HECA: variants seen among roughly 807,000 people sequenced by gnomAD.
The protein encoded by HECA is HECA ribonucleoprotein granule regulator.
In HECA, 13 loss-of-function variants were observed where a neutral mutation model predicts 37.6. The observed-to-expected ratio is 0.35, with a 90% CI of 0.23 to 0.55. The LOEUF (loss-of-function observed/expected upper bound fraction) is 0.55. Ranked by LOEUF, HECA falls within the 20% of genes least tolerant of loss-of-function variation. The probability of loss-of-function intolerance (pLI) is 0.90; values close to 1 mark genes in which losing one functional copy is unlikely to be tolerated. For synonymous variants in HECA, 307 were observed against 291.5 expected, an observed-to-expected ratio of 1.05 and a Z score of -0.54; for missense variants, 527 against 701.9, an observed-to-expected ratio of 0.75 and a Z score of 2.82.
chr6:139,162,292 A>G (rs1774816065), intron 1 of HECA, among the ~76,000 whole-genome samples: 1 of 152,146 alleles, frequency 6.6e-6, no homozygotes, highest in Non-Finnish European at 1.5e-5. Context: ...TGGGCCTTGA[A>G]GCAGTAGGAG....
At chr6:139,173,968 C>G (rs1293856140) in intron 2 of HECA, among the ~76,000 whole-genome samples, 2 of 152,152 alleles carry the variant, frequency 1.3e-5, no homozygotes, top group African/African-American at 4.8e-5. Context: ...GGACTTGTCA[C>G]AAGAGAGCTT....
rs544034030 is a variant in HECA, at chr6:139,141,658, T to A, written c.271+5991T>A. Among the ~76,000 whole-genome samples, 3 of 152,248 alleles carry A rather than the reference T, an allele frequency of 2.0e-5. No individual in the cohort carries two copies. In the East Asian group the frequency reaches 5.8e-4, roughly 29 times the overall value. On this transcript the variant is annotated intron_variant, in intron 1 of 3. Coordinates refer to ENST00000367658, the MANE Select transcript of HECA (RefSeq NM_016217.3). ...TGGTGAGAATCACAGCATCCTCACA[T>A]GGCAGAGAAGGTGAAAGGGATGAAC... is the stretch of plus-strand genomic sequence containing the variant.
At chr6:139,159,651 C>G (rs906441381) in intron 1 of HECA, among the ~76,000 whole-genome samples, 2 of 152,192 alleles carry the variant, frequency 1.3e-5, no homozygotes, top group Non-Finnish European at 2.9e-5. Flanking sequence ...CACCCTCTCT[C>G]TATTACTGTG....
rs1302019960 is a variant in HECA, at chr6:139,179,097, A to C, written c.*1992A>C. 2 of 152,224 alleles carry C rather than the reference A, an allele frequency of 1.3e-5. No homozygotes were observed. The highest frequency in any genetic ancestry group is 2.4e-5 in the African/African-American group (1 of 41,458). The allele number at this position is 152,224 out of a possible 1,614,324, so 9.4% of individuals were successfully genotyped here. On this transcript the variant is annotated 3_prime_UTR_variant, in exon 4 of 4. Coordinates refer to ENST00000367658, the MANE Select transcript of HECA (RefSeq NM_016217.3). ...TGAACTGACAGTGTTTGATGCAACTAAAAGAGGATTGTAAGACATAGCTTT... is the reference window on the plus strand; with the variant it reads ...TGAACTGACAGTGTTTGATGCAACTCAAAGAGGATTGTAAGACATAGCTTT...
chr6:139,171,266 C>A (rs934178426), intron 2 of HECA, among the ~76,000 whole-genome samples: 1 of 152,038 alleles, frequency 6.6e-6, no homozygotes, highest in African/African-American at 2.4e-5. Context: ...AAACCCACAA[C>A]CAAATCTTGA....
intron 1 of HECA, among the ~76,000 whole-genome samples, chr6:139,163,352 CTTTTTTT>C (rs60943037): frequency 2.1e-5 from 3 of 142,466 alleles, no homozygotes; most frequent in East Asian, 2.4e-4. Context: ...GTTCTCCATT[CTTTTTTT>C]TTTTTTTTTT....
intron 1 of HECA, among the ~76,000 whole-genome samples, chr6:139,155,430 G>A (rs1402882208): frequency 1.3e-5 from 2 of 152,126 alleles, no homozygotes; most frequent in African/African-American, 4.8e-5. Context: ...CTAAATGTAG[G>A]GGAAAAATGA....
intron 1 of HECA, among the ~76,000 whole-genome samples, chr6:139,158,120 G>C (rs1774742303): frequency 6.6e-6 from 1 of 152,120 alleles, no homozygotes; most frequent in South Asian, 2.1e-4. Flanking sequence ...ACTTTGGGAG[G>C]CTAAGGCAGG....
At chr6:139,142,143 G>A (rs890821247) in intron 1 of HECA, among the ~76,000 whole-genome samples, 1 of 151,920 alleles carries the variant, frequency 6.6e-6, no homozygotes, top group Non-Finnish European at 1.5e-5. Context: ...AGTCAGGATG[G>A]TCTCGATCTC....
intron 1 of HECA, chr6:139,150,966 A>C (rs1485259364): frequency 1.3e-5 from 2 of 152,226 alleles, no homozygotes; most frequent in African/African-American, 4.8e-5. Context: ...AGTTCACAAC[A>C]ATCATGACTG....
chr6:139,157,380 C>T (rs1384065157), intron 1 of HECA, among the ~76,000 whole-genome samples: 3 of 152,188 alleles, frequency 2.0e-5, no homozygotes, highest in African/African-American at 2.4e-5. Context: ...AGGTTTCAGC[C>T]TCATTTTACC....
At chr6:139,164,953 C>G (rs1774862819) in intron 1 of HECA, among the ~76,000 whole-genome samples, 1 of 152,184 alleles carries the variant, frequency 6.6e-6, no homozygotes, top group Non-Finnish European at 1.5e-5. Flanking sequence ...CTCTGGCCAC[C>G]TTATTACACA....
chr6:139,153,862 A>G (rs967242310), intron 1 of HECA, among the ~76,000 whole-genome samples: 6 of 152,240 alleles, frequency 3.9e-5, no homozygotes, highest in African/African-American at 1.4e-4. Flanking sequence ...AAATATACAT[A>G]TAAACTTTTA....
At chr6:139,144,708 A>G (rs1229047259) in intron 1 of HECA, 1 of 152,272 alleles carries the variant, frequency 6.6e-6, no homozygotes, top group African/African-American at 2.4e-5. Flanking sequence ...TTTTAACAGA[A>G]TGAGTATCTT....
At chr6:139,166,115 T>C (rs1774881805) in intron 1 of HECA, 169 bp from the exon 2 acceptor site, 1 of 585,656 alleles carries the variant, frequency 1.7e-6, no homozygotes, top group Admixed American at 3.4e-5. Flanking sequence ...AGTAGCTTCA[T>C]CATATTATTC....
At chr6:139,161,648 T>C (rs183010072) in intron 1 of HECA, among the ~76,000 whole-genome samples, 1 of 152,250 alleles carries the variant, frequency 6.6e-6, no homozygotes, top group East Asian at 1.9e-4. Flanking sequence ...TTCTTTAGTG[T>C]GAAAATACTT....
At chr6:139,157,945 AAGG>A (rs1371110417) in intron 1 of HECA, among the ~76,000 whole-genome samples, 2 of 152,182 alleles carry the variant, frequency 1.3e-5, no homozygotes, top group Non-Finnish European at 2.9e-5. Context: ...AATGTGGAGA[AAGG>A]AGGATGGATG....
Sources: gnomAD v4.1 joint callset for allele counts (sites outside exome capture counted in the v4.1 genomes callset) on GRCh38, gnomAD v4.1.1 for gene constraint, MANE v1.5 for transcripts, NCBI Gene and HGNC (gene_info 2026-07-23, HGNC 2026-07-21) for gene names.